Variants in PXMP2 observed in about 807,000 individuals in gnomAD.
PXMP2 encodes the protein 22 kDa peroxisomal membrane protein.
Under a neutral mutation model 20.2 loss-of-function variants are expected in PXMP2, and 13 were observed. The observed-to-expected ratio is 0.64, with a 90% CI of 0.42 to 1.02. The LOEUF (loss-of-function observed/expected upper bound fraction) is 1.02. PXMP2 is among the 50% of genes least tolerant of loss of function. The pLI is 0.00. For synonymous variants in PXMP2, 113 were observed against 111.2 expected (o/e 1.02, Z -0.10); for missense variants, 284 against 251.8 (o/e 1.13, Z -0.87).
intron 2 of PXMP2, among the ~76,000 whole-genome samples, chr12:132,691,057 T>C (rs1212893693): frequency 1.3e-5 from 2 of 150,890 alleles, no homozygotes; most frequent in Non-Finnish European, 3.0e-5. Context: ...TTTAATTTTT[T>C]TTTTTTTTTT....
At chr12:132,698,738 T>C (rs951309370) in intron 3 of PXMP2, among the ~76,000 whole-genome samples, 3 of 152,266 alleles carry the variant, frequency 2.0e-5, no homozygotes, top group Admixed American at 6.5e-5. Context: ...GTGATTTTCA[T>C]GTCTCAGCCT....
Position 132,704,599 on chromosome 12 carries a change from T to TG in PXMP2, c.520-18dup. ...CGGCCTCCCGCTGACCGTGGCCTGT[T>TG]GGACTGTTCTTTTCGGCAGTTCCGG... On this transcript the variant is annotated intron_variant, in intron 4 of 4. Transcript: ENST00000317479. The TG allele has an allele frequency of 7.0e-7, 1 of 1,428,020 alleles. No homozygotes were observed. The highest frequency in any genetic ancestry group is 9.2e-7 in the Non-Finnish European group (1 of 1,084,494). The allele number at this position is 1,428,020 out of a possible 1,614,324, so 88.5% of individuals were successfully genotyped here. A position where few individuals can be genotyped will look rare whatever the true frequency, so the allele number is the denominator to read the frequency against.
At chr12:132,687,855 C>A in intron 1 of PXMP2, 63 bp downstream of exon 1, 1 of 1,106,210 alleles carries the variant, frequency 9.0e-7, no homozygotes, top group Non-Finnish European at 1.1e-6. Context: ...CGGCGCGGGG[C>A]CTGGACGGGA....
At chr12:132,699,457 T>C (rs1347514242) in intron 3 of PXMP2, among the ~76,000 whole-genome samples, 1 of 151,884 alleles carries the variant, frequency 6.6e-6, no homozygotes, top group Non-Finnish European at 1.5e-5. Context: ...GTGTTTGACT[T>C]TCCATTGGTG....
rs1464913375 is a variant in PXMP2 at position 132,702,862 on chromosome 12, C to T, written c.519+1493C>T. ...GAGGGAGGAAAGGACCAGGGTGACC[C>T]CCGAGGGAGAGGAGGGAGGCGGCCC... On this transcript the variant is annotated intron_variant, in intron 4 of 4. Coordinates refer to ENST00000317479, the MANE Select transcript of PXMP2 (RefSeq NM_018663.3). 2.6e-5 allele frequency among the ~76,000 whole-genome samples: 4 copies of T among 152,152 alleles called. No homozygotes were observed. The South Asian group carries it at 6.2e-4, about 24-fold the overall frequency.
intron 2 of PXMP2, among the ~76,000 whole-genome samples, chr12:132,691,480 G>A (rs546585632): frequency 2.2e-4 from 34 of 152,238 alleles, no homozygotes; most frequent in Middle Eastern, 3.4e-3. Flanking sequence ...TTAATCCACC[G>A]TGAGCTCTCG....
In PXMP2 at chr12:132,695,079, G is replaced by A. The variant is rs545826015; in HGVS notation, c.237-805G>A. ...AGTGCCCTTGCCAGTTAGTTAGTGA[G>A]CTCCCTTAGCCAGTTAGTTAGAGAG... On this transcript the variant is annotated intron_variant, in intron 2 of 4. Coordinates refer to ENST00000317479, the MANE Select transcript of PXMP2 (RefSeq NM_018663.3). Among the ~76,000 whole-genome samples the A allele has an allele frequency of 1.1e-4, 16 of 145,872 alleles. No individual in the cohort carries two copies. The East Asian group carries it at 3.2e-3, about 29-fold the overall frequency.
At chr12:132,689,756 C>T (rs1186561804) in intron 1 of PXMP2, among the ~76,000 whole-genome samples, 1 of 152,172 alleles carries the variant, frequency 6.6e-6, no homozygotes, top group Non-Finnish European at 1.5e-5. Flanking sequence ...AGATTCCTTG[C>T]ACACCTTCCC....
intron 4 of PXMP2, among the ~76,000 whole-genome samples, chr12:132,702,821 T>C (rs1443591065): frequency 2.0e-5 from 3 of 152,050 alleles, no homozygotes; most frequent in Non-Finnish European, 4.4e-5. Context: ...TAGCACCGGC[T>C]CTGAGCCCTG....
At chr12:132,700,301 C>G (rs999947397) in intron 3 of PXMP2, among the ~76,000 whole-genome samples, 47 of 152,060 alleles carry the variant, frequency 3.1e-4, no homozygotes, top group African/African-American at 1.1e-3. Flanking sequence ...CCCACCTCAG[C>G]CTCCCAAAGT....
In PXMP2 at chr12:132,701,346, A is replaced by C; in HGVS notation, c.496A>C (p.Asn166His). ...WRVWTPLQFI[N>H]INYVPLKFRV... The stretch of plus-strand genomic sequence containing the variant: ...GGTGTGGACGCCACTACAGTTCATC[A>C]ACATCAACTACGTCCCTCTGAAGGT... The change falls in exon 4 of 5, where the codon AAC (asparagine) becomes CAC (histidine). Residue 166 changes from asparagine (N) to histidine (H), a missense_variant. Coordinates refer to ENST00000317479, the MANE Select transcript of PXMP2 (RefSeq NM_018663.3). 3 of 1,613,040 alleles carry C rather than the reference A, an allele frequency of 1.9e-6. No individual in the cohort carries two copies. The African/African-American group carries it at 4.0e-5, about 22-fold the overall frequency.
intron 2 of PXMP2, among the ~76,000 whole-genome samples, chr12:132,693,006 G>A (rs1424119681): frequency 2.8e-5 from 2 of 72,302 alleles, no homozygotes; most frequent in Admixed American, 1.3e-4. Context: ...GTTAGTGAGC[G>A]CCCTTGCCAG....
intron 4 of PXMP2, 24 bp from the exon 5 acceptor site, chr12:132,704,595 C>T (rs1235982259): frequency 2.1e-6 from 3 of 1,425,912 alleles, no homozygotes; most frequent in Non-Finnish European, 2.8e-6. Context: ...TGACCGTGGC[C>T]TGTTGGACTG....
At chr12:132,692,569 T>TG in intron 2 of PXMP2, among the ~76,000 whole-genome samples, 1 of 79,182 alleles carries the variant, frequency 1.3e-5, no homozygotes, top group South Asian at 4.0e-4. Flanking sequence ...TGAGCACCCT[T>TG]GCCAGTTAGT....
At chr12:132,693,589 G>T (rs1189664636) in intron 2 of PXMP2, among the ~76,000 whole-genome samples, 1 of 70,456 alleles carries the variant, frequency 1.4e-5, no homozygotes, top group African/African-American at 4.8e-5. Context: ...GTTAGTGAGC[G>T]CCCTTGCCAG....
intron 4 of PXMP2, among the ~76,000 whole-genome samples, chr12:132,703,435 G>T (rs867650547): frequency 6.6e-6 from 1 of 152,284 alleles, no homozygotes; most frequent in African/African-American, 2.4e-5. Context: ...GCAGCTCTGC[G>T]GGGTCCCCTA....
Position 132,687,650 on chromosome 12 carries a change from C to T in PXMP2, c.-21C>T, listed in dbSNP as rs2043311691. 1.0e-5 allele frequency: 12 copies of T among 1,153,386 alleles called. No homozygotes were observed. The highest frequency in any genetic ancestry group is 1.2e-5 in the Non-Finnish European group (11 of 939,168). The allele number at this position is 1,153,386 out of a possible 1,614,324, so 71.4% of individuals were successfully genotyped here. The stretch of plus-strand genomic sequence containing the variant: ...CCTGAGGTGGGGTCGGTGCCCCCGG[C>T]GGCACGGCGCTGGGGAGGCGATGGC... On this transcript the variant is annotated 5_prime_UTR_variant, in exon 1 of 5. Transcript: ENST00000317479.
At chr12:132,701,600 A>G (rs2043442381) in intron 4 of PXMP2, 1 of 571,416 alleles carries the variant, frequency 1.8e-6, no homozygotes, top group African/African-American at 2.0e-5. Context: ...AGCAACAGAG[A>G]AGGGTGTCCC....
chr12:132,704,460 G>A (rs1440177233), intron 4 of PXMP2, among the ~76,000 whole-genome samples, 159 bp from the exon 5 acceptor site: 1 of 152,188 alleles, frequency 6.6e-6, no homozygotes, highest in Non-Finnish European at 1.5e-5. Context: ...GCCTAGCACA[G>A]CGTTTGGTAC....
Sources: allele counts gnomAD v4.1 joint callset (sites outside exome capture counted in the v4.1 genomes callset), GRCh38; gene constraint gnomAD v4.1.1; transcripts MANE v1.5; gene names NCBI Gene and HGNC (gene_info 2026-07-23, HGNC 2026-07-21).